Variants in GRK7 observed in about 807,000 individuals in gnomAD.
GRK7 encodes the protein rhodopsin kinase GRK7.
GRK7 carries 24 observed loss-of-function variants against 34.1 expected under a neutral mutation model. The observed-to-expected ratio is 0.70, with a 90% CI of 0.51 to 0.99. The LOEUF is 0.99. GRK7 is among the 50% of genes least tolerant of loss of function. The pLI, the probability that GRK7 is intolerant of heterozygous loss-of-function variation, is 0.00. For missense variants in GRK7, 644 were observed against 707.3 expected (o/e 0.91, Z 1.02); for synonymous variants, 256 against 279.4 (o/e 0.92, Z 0.84).
intron 2 of GRK7, among the ~76,000 whole-genome samples, chr3:141,775,416 G>GAAAAT (rs2084634903): frequency 6.6e-6 from 1 of 152,120 alleles, no homozygotes; most frequent in African/African-American, 2.4e-5. Context: ...GAAAAGAAAA[G>GAAAAT]AAAGTGAGTT....
In GRK7 at chr3:141,776,781, C is replaced by CT. The variant is rs1198617025; in HGVS notation, c.-113-1385dup. Among the ~76,000 whole-genome samples the CT allele has an allele frequency of 3.3e-5, 5 of 151,800 alleles. No homozygotes were observed. In the East Asian group the frequency reaches 5.8e-4, roughly 18 times the overall value. On this transcript the variant is annotated intron_variant, in intron 2 of 5. Coordinates refer to ENST00000682958, the MANE Select transcript of GRK7 (RefSeq NM_139209.3). ...AGTTGTTTGGAAAAAGACTGACCAG[C>CT]TTTTTTCCCCCTCCTTCTCCCTCTC...
In GRK7 at chr3:141,780,543, A is replaced by AT; in HGVS notation, c.782_783insT (p.Lys261AsnfsTer49). On this transcript the variant is annotated frameshift_variant, in exon 4 of 6. Coordinates refer to ENST00000682958, the MANE Select transcript of GRK7 (RefSeq NM_139209.3). LOFTEE classifies it high-confidence loss of function. ...TCTCTGGCCTATGCCTTTGAGAGCA[A>AT]GACCCATCTCTGCCTTGTCATGAGC... 6 of 1,614,258 alleles carry AT rather than the reference A, an allele frequency of 3.7e-6. No homozygotes were observed. The highest frequency in any genetic ancestry group is 5.1e-6 in the Non-Finnish European group (6 of 1,180,050).
At chr3:141,777,491 ATT>A (rs530806848) in intron 2 of GRK7, among the ~76,000 whole-genome samples, 3 of 80,590 alleles carry the variant, frequency 3.7e-5, no homozygotes, top group Admixed American at 1.4e-4. Flanking sequence ...AGCCCGGCTA[ATT>A]TTTTTTTTTT....
chr3:141,814,037 G>A (rs1034083329), intron 5 of GRK7, among the ~76,000 whole-genome samples: 1 of 152,116 alleles, frequency 6.6e-6, no homozygotes, highest in Non-Finnish European at 1.5e-5. Flanking sequence ...AGAGTCTGTT[G>A]TAGTTATCAT....
At position 141,778,514 on chromosome 3, in the gene GRK7, T is replaced by G. The variant is rs2084653362; in HGVS notation, c.230T>G (p.Val77Gly). 1 of 1,613,404 alleles carries G rather than the reference T, an allele frequency of 6.2e-7. No individual in the cohort carries two copies. Among genetic ancestry groups the G allele is most frequent in the South Asian group, 1.1e-5 (1 of 91,086 alleles). ...RRLFRDFLATVPTFRKAATFL... is the reference protein window; with the variant it reads ...RRLFRDFLATGPTFRKAATFL... ...CTCTTCCGTGACTTCCTAGCCACAG[T>G]GCCCACGTTCCGCAAGGCGGCAACC... Residue 77 changes from valine to glycine, a missense_variant, in exon 3 of 6, where the codon GTG becomes GGG. Coordinates refer to ENST00000682958, the MANE Select transcript of GRK7 (RefSeq NM_139209.3). This position sits in a 1 kb window ranked among gnomAD's most constrained non-coding sequence, Gnocchi z 4.1.
Position 141,817,336 on chromosome 3 carries a change from G to T in GRK7, c.*286G>T. On this transcript the variant is annotated 3_prime_UTR_variant, in exon 6 of 6. Coordinates refer to ENST00000682958, the MANE Select transcript of GRK7 (RefSeq NM_139209.3). ...CAGCCTTTTACCATCATGTCCCTGTGTATTACGCAAAGTCCTAGGAACAGA... is the reference window on the plus strand; with the variant it reads ...CAGCCTTTTACCATCATGTCCCTGTTTATTACGCAAAGTCCTAGGAACAGA... 3.2e-6 allele frequency: 1 copy of T among 310,794 alleles called. No individual in the cohort carries two copies. Among genetic ancestry groups the T allele is most frequent in the East Asian group, 5.5e-5 (1 of 18,204 alleles). The allele number at this position is 310,794 out of a possible 1,614,324, so 19.3% of individuals were successfully genotyped here. A position where few individuals can be genotyped will look rare whatever the true frequency, so the allele number is the denominator to read the frequency against.
At chr3:141,768,311 C>G (rs555696377) in intron 1 of GRK7, among the ~76,000 whole-genome samples, 211 of 151,588 alleles carry the variant, frequency 1.4e-3, no homozygotes, top group African/African-American at 4.7e-3. Context: ...GCTCTCTTCC[C>G]CAGGAGTGCA....
At chr3:141,766,610 A>G (rs772406187) in intron 1 of GRK7, among the ~76,000 whole-genome samples, 12 of 152,190 alleles carry the variant, frequency 7.9e-5, no homozygotes, top group Non-Finnish European at 1.5e-4. Flanking sequence ...AAAGTCTTTT[A>G]TGTCCTACTA....
chr3:141,769,442 G>A (rs147193301), intron 1 of GRK7, among the ~76,000 whole-genome samples: 33 of 152,226 alleles, frequency 2.2e-4, no homozygotes, highest in African/African-American at 7.9e-4. Context: ...AGCAGCCAGC[G>A]GTGTCTTTGA....
chr3:141,760,794 T>C (rs2084552425), upstream of GRK7, among the ~76,000 whole-genome samples: 2 of 131,286 alleles, frequency 1.5e-5, no homozygotes, highest in Non-Finnish European at 3.2e-5. Flanking sequence ...TGAATCTGGG[T>C]GCTCCTGTAT....
intron 1 of GRK7, among the ~76,000 whole-genome samples, chr3:141,767,420 C>G (rs2084594463): frequency 6.7e-6 from 1 of 150,224 alleles, no homozygotes; most frequent in Non-Finnish European, 1.5e-5. Flanking sequence ...TTTTTTGAGA[C>G]AGGGTCTCCT....
At chr3:141,811,204 G>C (rs1711089212) in intron 5 of GRK7, among the ~76,000 whole-genome samples, 1 of 151,718 alleles carries the variant, frequency 6.6e-6, no homozygotes, top group African/African-American at 2.4e-5. Context: ...TGTAATCCCA[G>C]CTACTCAGGA....
rs987975970 is a variant in GRK7 at position 141,807,378 on chromosome 3, G to A, written c.1051-267G>A. Among the ~76,000 whole-genome samples, 5 of 152,138 alleles carry A rather than the reference G, an allele frequency of 3.3e-5. No individual in the cohort carries two copies. In the East Asian group the frequency reaches 5.8e-4, roughly 18 times the overall value. On this transcript the variant is annotated intron_variant, in intron 4 of 5. Transcript: ENST00000682958. ...ATTTTCCCACATCAGGAGCAGCTAC[G>A]GCTTCCCTTTTCATGTGACCTTAGC...
At chr3:141,801,277 C>G (rs141284720) in intron 4 of GRK7, among the ~76,000 whole-genome samples, 2,862 of 136,664 alleles carry the variant, frequency 0.021, 59 homozygotes, top group East Asian at 0.1. Context: ...CGCCACTGCA[C>G]TCCAGCCTGG....
chr3:141,779,632 A>G (rs1210579896), intron 3 of GRK7, among the ~76,000 whole-genome samples: 1 of 152,148 alleles, frequency 6.6e-6, no homozygotes, highest in Non-Finnish European at 1.5e-5. Flanking sequence ...GCAACACCTC[A>G]ATCTGGATCC....
At chr3:141,777,594 C>G (rs1293172159) in intron 2 of GRK7, among the ~76,000 whole-genome samples, 1 of 150,126 alleles carries the variant, frequency 6.7e-6, no homozygotes, top group Non-Finnish European at 1.5e-5. Context: ...GAGATGGCCC[C>G]TCTTTTAACC....
intron 4 of GRK7, among the ~76,000 whole-genome samples, chr3:141,796,729 A>G (rs1710884643): frequency 6.6e-6 from 1 of 152,180 alleles, no homozygotes; most frequent in African/African-American, 2.4e-5. Context: ...GCTGCCAGAG[A>G]GATTCATAGC....
chr3:141,757,188 G>A, the GRK7 span, among the ~76,000 whole-genome samples: 75 of 119,592 alleles, frequency 6.3e-4, 1 homozygote, highest in Middle Eastern at 6.0e-3. Context: ...TAGGGTACAT[G>A]TGCACATTGC....
At chr3:141,810,367 A>C (rs1318052999) in intron 5 of GRK7, among the ~76,000 whole-genome samples, 15 of 111,700 alleles carry the variant, frequency 1.3e-4, no homozygotes, top group Admixed American at 2.1e-4. Context: ...TCTCTCTCCC[A>C]TCCCTCCTTC....
Sources: allele counts gnomAD v4.1 joint callset (sites outside exome capture counted in the v4.1 genomes callset), GRCh38; gene constraint gnomAD v4.1.1; non-coding constraint Gnocchi (gnomAD v3.1); transcripts MANE v1.5; gene names NCBI Gene and HGNC (gene_info 2026-07-23, HGNC 2026-07-21).